CFB: variants seen among roughly 807,000 people sequenced by gnomAD.
The protein encoded by CFB is complement factor B.
CFB carries 59 observed loss-of-function variants against 97.2 expected under a neutral mutation model. The observed-to-expected ratio is 0.61, with a 90% CI of 0.49 to 0.75. The LOEUF is 0.75. Ranked by LOEUF, CFB falls within the 30% of genes least tolerant of loss-of-function variation. The pLI, the probability that CFB is intolerant of heterozygous loss-of-function variation, is 0.00. For missense variants in CFB, 771 were observed against 959.8 expected (o/e 0.80, Z 2.60); for synonymous variants, 316 against 351.7 (o/e 0.90, Z 1.14).
In CFB at chr6:31,946,834, A is replaced by T; in HGVS notation, c.299-173A>T. 2 of 797,082 alleles carry T rather than the reference A, an allele frequency of 2.5e-6. No individual in the cohort carries two copies. Among genetic ancestry groups the T allele is most frequent in the Non-Finnish European group, 4.2e-6 (2 of 473,918 alleles). 49.4% of individuals were successfully genotyped at this position (797,082 alleles called of 1,614,324 possible). A position where few individuals can be genotyped will look rare whatever the true frequency, so the allele number is the denominator to read the frequency against. ...CTGGAAGTCAAGAGAACACTCAGAA[A>T]TGGGGAGGGAGAAGCAGTGGAAATC... On this transcript the variant is annotated intron_variant, in intron 2 of 17. Transcript: ENST00000425368. The surrounding 1 kb of genome is among the most constrained non-coding windows in gnomAD (Gnocchi z 6.4).
At position 31,948,924 on chromosome 6, in the gene CFB, G is replaced by C; in HGVS notation, c.1131G>C (p.Trp377Cys). The change falls in exon 8 of 18, where the codon TGG (tryptophan) becomes TGC (cysteine). Residue 377 changes from tryptophan (W) to cysteine (C), a missense_variant. Trp to Cys is a radical substitution (Grantham distance 215). Transcript: ENST00000425368. ...SWPDDVPPEG[W>C]NRTRHVIILM... is the part of the protein sequence containing the mutation. ...CAGATGACGTCCCTCCTGAAGGCTG[G>C]AACCGCACCCGCCATGTCATCATCC... 2 of 1,612,674 alleles carry C rather than the reference G, an allele frequency of 1.2e-6. No individual in the cohort carries two copies. The highest frequency in any genetic ancestry group is 1.1e-5 in the South Asian group (1 of 91,060).
Position 31,951,120 on chromosome 6 carries a change from A to T in CFB, c.1856-24A>T, listed in dbSNP as rs377665947. ...GAGATGACAGTGGTGGGAGCAGCTGAAGTGACGCAGTCTATTCGTCCAGAG... is the reference window on the plus strand; with the variant it reads ...GAGATGACAGTGGTGGGAGCAGCTGTAGTGACGCAGTCTATTCGTCCAGAG... On this transcript the variant is annotated intron_variant, in intron 14 of 17. Coordinates refer to ENST00000425368, the MANE Select transcript of CFB (RefSeq NM_001710.6). The surrounding 1 kb of genome is among the most constrained non-coding windows in gnomAD (Gnocchi z 4.3). 716 of 1,609,642 alleles carry T rather than the reference A, an allele frequency of 4.4e-4. 1 individual carries two copies. Among genetic ancestry groups the T allele is most frequent in the Non-Finnish European group, 5.8e-4 (687 of 1,177,146 alleles).
chr6:31,951,984 C>G lies in CFB; in HGVS notation c.2249C>G (p.Pro750Arg). 1 of 1,613,058 alleles carries G rather than the reference C, an allele frequency of 6.2e-7. No individual in the cohort carries two copies. Among genetic ancestry groups the G allele is most frequent in the South Asian group, 1.1e-5 (1 of 91,078 alleles). Residue 750 changes from proline (P) to arginine (R), a missense_variant, in exon 18 of 18, where the codon CCC (proline) becomes CGC (arginine). Transcript: ENST00000425368. The surrounding 1 kb of genome is among the most constrained non-coding windows in gnomAD (Gnocchi z 4.3). ...DFHINLFQVLPWLKEKLQDED... is the reference protein window; with the variant it reads ...DFHINLFQVLRWLKEKLQDED... ...CACATCAACCTCTTTCAAGTGCTGC[C>G]CTGGCTGAAGGAGAAACTCCAAGAT...
Position 31,950,064 on chromosome 6 carries a change from C to CT in CFB, c.1424dup (p.Ser476GlufsTer43). The CT allele has an allele frequency of 1.2e-6, 2 of 1,613,074 alleles. No individual in the cohort carries two copies. The highest frequency in any genetic ancestry group is 1.7e-6 in the Non-Finnish European group (2 of 1,180,050). ...TTCTCTGCCAGATGAAAGCCAGTCT[C>CT]TGAGTCTCTGTGGCATGGTTTGGGA... is the stretch of plus-strand genomic sequence containing the variant. On this transcript the variant is annotated frameshift_variant, in exon 11 of 18. Coordinates refer to ENST00000425368, the MANE Select transcript of CFB (RefSeq NM_001710.6). LOFTEE classifies it high-confidence loss of function.
Position 31,947,211 on chromosome 6 carries a change from C to T in CFB, c.484+19C>T, listed in dbSNP as rs922396316. On this transcript the variant is annotated intron_variant, in intron 3 of 17. Transcript: ENST00000425368. The surrounding 1 kb of genome is among the most constrained non-coding windows in gnomAD (Gnocchi z 5.3). ...AACGGAGGTGAGAAGCATCCCCTCC[C>T]CCTACATTGCTGTCTCCCTGACGGC... 2 of 1,612,366 alleles carry T rather than the reference C, an allele frequency of 1.2e-6. No individual in the cohort carries two copies. Among genetic ancestry groups the T allele is most frequent in the African/African-American group, 2.7e-5 (2 of 74,904 alleles).
chr6:31,948,739 A>G, intron 7 of CFB, 91 bp from the exon 8 acceptor site: 1 of 1,603,882 alleles, frequency 6.2e-7, no homozygotes, highest in South Asian at 1.1e-5. Context: ...AAAAAGTTGA[A>G]AGATGTGGGA....
chr6:31,947,274 G>GT lies in CFB; in HGVS notation c.485-73dup. The GT allele has an allele frequency of 3.7e-6, 6 of 1,611,330 alleles. No homozygotes were observed. In the South Asian group the frequency reaches 4.4e-5, roughly 12 times the overall value. ...GAGTGGGCACTCGGCTCCGGACACT[G>GT]TAACTCTTGCTCTCTACCTTGCTCA... On this transcript the variant is annotated intron_variant, in intron 3 of 17. Coordinates refer to ENST00000425368, the MANE Select transcript of CFB (RefSeq NM_001710.6). This position sits in a 1 kb window ranked among gnomAD's most constrained non-coding sequence, Gnocchi z 5.3.
At position 31,947,258 on chromosome 6, in the gene CFB, C is replaced by G; in HGVS notation, c.484+66C>G. The G allele has an allele frequency of 6.2e-7, 1 of 1,611,076 alleles. No individual in the cohort carries two copies. The highest frequency in any genetic ancestry group is 8.5e-7 in the Non-Finnish European group (1 of 1,179,458). On this transcript the variant is annotated intron_variant, in intron 3 of 17. Coordinates refer to ENST00000425368, the MANE Select transcript of CFB (RefSeq NM_001710.6). The surrounding 1 kb of genome is among the most constrained non-coding windows in gnomAD (Gnocchi z 5.3). The stretch of plus-strand genomic sequence containing the variant: ...CGGCGCCCAGCCCGAGGAGTGGGCA[C>G]TCGGCTCCGGACACTGTAACTCTTG...
chr6:31,947,968 G>A lies in CFB; in HGVS notation c.784G>A (p.Val262Ile), dbSNP rs200645483. Residue 262 changes from valine (V) to isoleucine (I), a missense_variant, in exon 6 of 18, where the codon GTC (valine) becomes ATC (isoleucine). Physicochemically the swap from Val to Ile is conservative, Grantham distance 29. Coordinates refer to ENST00000425368, the MANE Select transcript of CFB (RefSeq NM_001710.6). This position sits in a 1 kb window ranked among gnomAD's most constrained non-coding sequence, Gnocchi z 5.3. ...AGGGGAACAACAGAAGCGGAAGATCGTCCTGGACCCTTCAGGCTCCATGAA... is the reference window on the plus strand; with the variant it reads ...AGGGGAACAACAGAAGCGGAAGATCATCCTGGACCCTTCAGGCTCCATGAA... ...GPGEQQKRKI[V>I]LDPSGSMNIY... 90 of 1,614,084 alleles carry A rather than the reference G, an allele frequency of 5.6e-5. No individual in the cohort carries two copies. The highest frequency in any genetic ancestry group is 1.4e-4 in the South Asian group (13 of 91,088).
chr6:31,948,305 G>C, intron 6 of CFB, 69 bp from the exon 7 acceptor site: 1 of 1,608,064 alleles, frequency 6.2e-7, no homozygotes, highest in South Asian at 1.1e-5. Flanking sequence ...TCCCAGCAAA[G>C]TCGCTGAAAT....
Position 31,946,928 on chromosome 6 carries a change from T to C in CFB, c.299-79T>C. ...GGGAATGCGCTGTTTCTCAGTGACA[T>C]GGTCTCCGAGACCAGGAGGGATACA... is the stretch of plus-strand genomic sequence containing the variant. On this transcript the variant is annotated intron_variant, in intron 2 of 17. Transcript: ENST00000425368. The surrounding 1 kb of genome is among the most constrained non-coding windows in gnomAD (Gnocchi z 6.4). 7 of 1,454,496 alleles carry C rather than the reference T, an allele frequency of 4.8e-6. No individual in the cohort carries two copies. Among genetic ancestry groups the C allele is most frequent in the Non-Finnish European group, 6.7e-6 (7 of 1,037,430 alleles). The allele number at this position is 1,454,496 out of a possible 1,614,324, so 90.1% of individuals were successfully genotyped here.
At position 31,951,084 on chromosome 6, in the gene CFB, A is replaced by G; in HGVS notation, c.1856-60A>G. The G allele has an allele frequency of 1.9e-6, 3 of 1,592,636 alleles. No homozygotes were observed. The South Asian group carries it at 3.3e-5, about 18-fold the overall frequency. ...CTTAGGGGACATCTACTGAGTGACA[A>G]AGGCAATGGGGAGATGACAGTGGTG... is the stretch of plus-strand genomic sequence containing the variant. On this transcript the variant is annotated intron_variant, in intron 14 of 17. Transcript: ENST00000425368. This position sits in a 1 kb window ranked among gnomAD's most constrained non-coding sequence, Gnocchi z 4.3.
In CFB at chr6:31,947,718, T is replaced by C; in HGVS notation, c.659-24T>C. ...TGTATCCCTGACACTCCCAGACATT[T>C]GACCTCATTTCTGACTCTCCCAGAC... is the stretch of plus-strand genomic sequence containing the variant. On this transcript the variant is annotated intron_variant, in intron 4 of 17. Coordinates refer to ENST00000425368, the MANE Select transcript of CFB (RefSeq NM_001710.6). The surrounding 1 kb of genome is among the most constrained non-coding windows in gnomAD (Gnocchi z 5.3). 4 of 1,611,136 alleles carry C rather than the reference T, an allele frequency of 2.5e-6. No homozygotes were observed. The South Asian group carries it at 4.4e-5, about 18-fold the overall frequency.
At chr6:31,950,017 C>G (rs1053594530) in intron 10 of CFB, 33 bp from the exon 11 acceptor site, 3 of 1,606,412 alleles carry the variant, frequency 1.9e-6, no homozygotes, top group African/African-American at 1.3e-5. Context: ...ATGAAGTGTT[C>G]CGAGTTTTCA....
chr6:31,947,485 G>A lies in CFB; in HGVS notation c.622G>A (p.Gly208Ser), dbSNP rs780051608. 3.7e-6 allele frequency: 6 copies of A among 1,612,982 alleles called. No homozygotes were observed. The highest frequency in any genetic ancestry group is 5.1e-6 in the Non-Finnish European group (6 of 1,180,012). ...RGSQRRTCQE[G>S]GSWSGTEPSC... Reference sequence around the variant, plus strand: ...CTCCCAGCGGCGAACGTGTCAGGAAGGTGGCTCTTGGAGCGGGACGGAGCC... The same window carrying A: ...CTCCCAGCGGCGAACGTGTCAGGAAAGTGGCTCTTGGAGCGGGACGGAGCC... Residue 208 changes from glycine (G) to serine (S), a missense_variant, in exon 4 of 18, where the codon GGT becomes AGT. Physicochemically the swap from Gly to Ser is moderately conservative, Grantham distance 56. Transcript: ENST00000425368. This position sits in a 1 kb window ranked among gnomAD's most constrained non-coding sequence, Gnocchi z 5.3.
rs751177772 is a variant in CFB at position 31,951,740 on chromosome 6, C to T, written c.2140-135C>T. 7.7e-6 allele frequency: 12 copies of T among 1,556,034 alleles called. No individual in the cohort carries two copies. In the East Asian group the frequency reaches 1.1e-4, roughly 15 times the overall value. On this transcript the variant is annotated intron_variant, in intron 17 of 17. Coordinates refer to ENST00000425368, the MANE Select transcript of CFB (RefSeq NM_001710.6). This position sits in a 1 kb window ranked among gnomAD's most constrained non-coding sequence, Gnocchi z 4.3. ...ACCTTAGGACCGCATGTCTTGCCTG[C>T]GTGTGTCAAGAACGAGGCTGAGCTG... is the stretch of plus-strand genomic sequence containing the variant.
rs1771521946 is a variant in CFB at position 31,947,626 on chromosome 6, G to T, written c.658+105G>T. On this transcript the variant is annotated intron_variant, in intron 4 of 17. Coordinates refer to ENST00000425368, the MANE Select transcript of CFB (RefSeq NM_001710.6). This position sits in a 1 kb window ranked among gnomAD's most constrained non-coding sequence, Gnocchi z 5.3. ...TTCCTCACTTTGTTTAAACCTCCCT[G>T]TACAACTATCTCACTTCTGAGCCTT... 1.3e-6 allele frequency: 2 copies of T among 1,578,798 alleles called. No individual in the cohort carries two copies. The highest frequency in any genetic ancestry group is 2.2e-5 in the South Asian group (2 of 90,384).
chr6:31,948,351 C>T (rs146157298), intron 6 of CFB, 23 bp from the exon 7 acceptor site: 33 of 1,614,144 alleles, frequency 2.0e-5, no homozygotes, highest in African/African-American at 8.0e-5. Context: ...AATGCCATGG[C>T]GCCTTGTTCT....
chr6:31,946,977 A>G lies in CFB; in HGVS notation c.299-30A>G. 2 of 1,612,274 alleles carry G rather than the reference A, an allele frequency of 1.2e-6. No individual in the cohort carries two copies. The highest frequency in any genetic ancestry group is 1.7e-6 in the Non-Finnish European group (2 of 1,179,550). The stretch of plus-strand genomic sequence containing the variant: ...CACCTAAGGCAGCCTTTCCCTCTTG[A>G]TGACTTCTACTTGTCCCCCCTTCTC... On this transcript the variant is annotated intron_variant, in intron 2 of 17. Coordinates refer to ENST00000425368, the MANE Select transcript of CFB (RefSeq NM_001710.6). This position sits in a 1 kb window ranked among gnomAD's most constrained non-coding sequence, Gnocchi z 6.4.
Sources: gnomAD v4.1 joint callset for allele counts on GRCh38, gnomAD v4.1.1 for gene constraint, Gnocchi (gnomAD v3.1) non-coding constraint, MANE v1.5 for transcripts, NCBI Gene and HGNC (gene_info 2026-07-23, HGNC 2026-07-21) for gene names.